LRRTM2: variants seen among roughly 807,000 people sequenced by gnomAD.
The protein encoded by LRRTM2 is leucine-rich repeat transmembrane neuronal protein 2.
In LRRTM2, 14 loss-of-function variants were observed where a neutral mutation model predicts 40.7. The observed-to-expected ratio is 0.34, with a 90% CI of 0.23 to 0.54. LRRTM2 has a LOEUF of 0.54. Among genes scored for constraint, LRRTM2 ranks in the 20% least tolerant of loss-of-function variants. The pLI, the probability that LRRTM2 is intolerant of heterozygous loss-of-function variation, is 0.92. For synonymous variants in LRRTM2, 223 were observed against 237.6 expected (o/e 0.94, Z 0.57); for missense variants, 468 against 624.4 (o/e 0.75, Z 2.67).
rs1362877682 is a variant in LRRTM2 at position 138,872,649 on chromosome 5, A to G, written c.*361T>C. The stretch of plus-strand genomic sequence containing the variant: ...AGTGATCAAACAGGTATTGATCTAT[A>G]TCTGTTTCTGCCCAATAGCTTCTTT... On this transcript the variant is annotated 3_prime_UTR_variant, in exon 2 of 2. Coordinates refer to ENST00000274711, the MANE Select transcript of LRRTM2 (RefSeq NM_015564.3). 1.8e-5 allele frequency: 3 copies of G among 169,432 alleles called. No individual in the cohort carries two copies. Among genetic ancestry groups the G allele is most frequent in the Admixed American group, 1.2e-4 (2 of 17,148 alleles). 10.5% of individuals were successfully genotyped at this position (169,432 alleles called of 1,614,324 possible). A position where few individuals can be genotyped will look rare whatever the true frequency, so the allele number is the denominator to read the frequency against.
In LRRTM2 at chr5:138,872,104, A is replaced by G. The variant is rs1373944718; in HGVS notation, c.*906T>C. ...TTGGAGGGAGCATGTCAGGATTGTT[A>G]AATTGACTCAGTTTGTCTTGTTTAT... On this transcript the variant is annotated 3_prime_UTR_variant, in exon 2 of 2. Coordinates refer to ENST00000274711, the MANE Select transcript of LRRTM2 (RefSeq NM_015564.3). The G allele has an allele frequency of 6.6e-6, 1 of 151,474 alleles. No homozygotes were observed. Among genetic ancestry groups the G allele is most frequent in the Non-Finnish European group, 1.5e-5 (1 of 67,916 alleles). 9.4% of individuals were successfully genotyped at this position (151,474 alleles called of 1,614,324 possible).
In LRRTM2 at chr5:138,869,171, C is replaced by T. The variant is rs1281505062; in HGVS notation, c.*3839G>A. The T allele has an allele frequency of 8.7e-6, 1 of 114,364 alleles. No homozygotes were observed. The highest frequency in any genetic ancestry group is 1.9e-5 in the Non-Finnish European group (1 of 52,634). The allele number at this position is 114,364 out of a possible 1,614,324, so 7.1% of individuals were successfully genotyped here. On this transcript the variant is annotated 3_prime_UTR_variant, in exon 2 of 2. Coordinates refer to ENST00000274711, the MANE Select transcript of LRRTM2 (RefSeq NM_015564.3). ...TTCACCAAACATTCCATATATCAGA[C>T]TTAAAAAAAAAAAAAAAAACCGCTA...
chr5:138,873,303 T>A lies in LRRTM2; in HGVS notation c.1258A>T (p.Thr420Ser). The part of the protein sequence containing the change: ...HFPEPDNAIF[T>S]QRVITGTMAL... ...ATTGTTCCCGTAATTACCCGCTGAG[T>A]GAAGATGGCATTGTCTGGTTCAGGA... The change falls in exon 2 of 2, where the codon ACT (threonine) becomes TCT (serine). Residue 420 changes from threonine to serine, a missense_variant. By Grantham distance (58) the Thr-to-Ser change is moderately conservative. Transcript: ENST00000274711. This position sits in a 1 kb window ranked among gnomAD's most constrained non-coding sequence, Gnocchi z 6.1. The A allele has an allele frequency of 6.2e-7, 1 of 1,614,004 alleles. No homozygotes were observed. Among genetic ancestry groups the A allele is most frequent in the Non-Finnish European group, 8.5e-7 (1 of 1,179,868 alleles).
At position 138,875,165 on chromosome 5, in the gene LRRTM2, C is replaced by T. The variant is rs1751217153; in HGVS notation, c.-254G>A. 4.8e-6 allele frequency: 2 copies of T among 412,428 alleles called. No individual in the cohort carries two copies. Among genetic ancestry groups the T allele is most frequent in the Admixed American group, 4.3e-5 (1 of 23,326 alleles). 25.5% of individuals were successfully genotyped at this position (412,428 alleles called of 1,614,324 possible). On this transcript the variant is annotated 5_prime_UTR_variant, in exon 1 of 2. Transcript: ENST00000274711. ...TTGAATATAAGTTATTAAATTTCTC[C>T]ACCTCTAACTGCTCAGCTGGTTAAT...
Position 138,869,870 on chromosome 5 carries a change from T to C in LRRTM2, c.*3140A>G, listed in dbSNP as rs2149914397. 6.5e-6 allele frequency: 1 copy of C among 152,798 alleles called. No homozygotes were observed. The highest frequency in any genetic ancestry group is 1.9e-4 in the East Asian group (1 of 5,190). 9.5% of individuals were successfully genotyped at this position (152,798 alleles called of 1,614,324 possible). On this transcript the variant is annotated 3_prime_UTR_variant, in exon 2 of 2. Coordinates refer to ENST00000274711, the MANE Select transcript of LRRTM2 (RefSeq NM_015564.3). ...AATTAGTATCTTTGCTTTTTGATGCTGGCAGTGGGTATTCTCAGAGTTGTG... is the reference window on the plus strand; with the variant it reads ...AATTAGTATCTTTGCTTTTTGATGCCGGCAGTGGGTATTCTCAGAGTTGTG...
rs1189086603 is a variant in LRRTM2, at chr5:138,872,735, C to T, written c.*275G>A. 1 of 298,046 alleles carries T rather than the reference C, an allele frequency of 3.4e-6. No individual in the cohort carries two copies. The highest frequency in any genetic ancestry group is 1.1e-3 in the Middle Eastern group (1 of 948). 18.5% of individuals were successfully genotyped at this position (298,046 alleles called of 1,614,324 possible). ...AGACCTTAGTGTAAAGGTTTACACA[C>T]GATTGTATATAATTACATACATTTC... On this transcript the variant is annotated 3_prime_UTR_variant, in exon 2 of 2. Transcript: ENST00000274711.
rs943469660 is a variant in LRRTM2 at position 138,871,349 on chromosome 5, C to T, written c.*1661G>A. On this transcript the variant is annotated 3_prime_UTR_variant, in exon 2 of 2. Coordinates refer to ENST00000274711, the MANE Select transcript of LRRTM2 (RefSeq NM_015564.3). ...TAGTGCTATAATTTTACAGTTTTTT[C>T]AATATGTGGAACAATGTTTATGGAA... 10 of 152,078 alleles carry T rather than the reference C, an allele frequency of 6.6e-5. No individual in the cohort carries two copies. The highest frequency in any genetic ancestry group is 2.4e-4 in the African/African-American group (10 of 41,418). The allele number at this position is 152,078 out of a possible 1,614,324, so 9.4% of individuals were successfully genotyped here. A position where few individuals can be genotyped will look rare whatever the true frequency, so the allele number is the denominator to read the frequency against.
At position 138,871,296 on chromosome 5, in the gene LRRTM2, A is replaced by G. The variant is rs1750576777; in HGVS notation, c.*1714T>C. 6.6e-6 allele frequency: 1 copy of G among 152,224 alleles called. No homozygotes were observed. The allele number at this position is 152,224 out of a possible 1,614,324, so 9.4% of individuals were successfully genotyped here. The stretch of plus-strand genomic sequence containing the variant: ...TCTACATACAGTAAATGGCAGTTGT[A>G]AAAAATGCTCATTTTCTAAAATCAA... On this transcript the variant is annotated 3_prime_UTR_variant, in exon 2 of 2. Transcript: ENST00000274711.
In LRRTM2 at chr5:138,872,059, TGTGTGTGTGC is replaced by T. The variant is rs70982736; in HGVS notation, c.*941_*950del. 0.15 allele frequency: 15,744 copies of T among 105,434 alleles called. 855 individuals are homozygous for T. The highest frequency in any genetic ancestry group is 0.2 in the African/African-American group (5,387 of 27,482). 6.5% of individuals were successfully genotyped at this position (105,434 alleles called of 1,614,324 possible). ...GTGTGTGTGTGTGTGTGTGTGTGTG[TGTGTGTGTGC>T]GCTTTTAAATTGGAGGGAGCATGTC... On this transcript the variant is annotated 3_prime_UTR_variant, in exon 2 of 2. Transcript: ENST00000274711.
rs779153256 is a variant in LRRTM2 at position 138,875,164 on chromosome 5, C to T, written c.-253G>A. 12 of 412,092 alleles carry T rather than the reference C, an allele frequency of 2.9e-5. No homozygotes were observed. Among genetic ancestry groups the T allele is most frequent in the African/African-American group, 4.1e-5 (2 of 48,492 alleles). The allele number at this position is 412,092 out of a possible 1,614,324, so 25.5% of individuals were successfully genotyped here. On this transcript the variant is annotated 5_prime_UTR_variant, in exon 1 of 2. Transcript: ENST00000274711. ...TTTGAATATAAGTTATTAAATTTCT[C>T]CACCTCTAACTGCTCAGCTGGTTAA...
Position 138,873,919 on chromosome 5 carries a change from G to T in LRRTM2, c.642C>A (p.His214Gln), listed in dbSNP as rs1400784482. ...LIKLRELHLE[H>Q]NQLTKINFAH... ...CAAAATTAATCTTCGTCAGCTGGTT[G>T]TGCTCTAGGTGAAGCTCTCTCAGTT... Residue 214 changes from histidine to glutamine, a missense_variant, in exon 2 of 2, where the codon CAC becomes CAA. By Grantham distance (24) the His-to-Gln change is conservative. Transcript: ENST00000274711. The surrounding 1 kb of genome is among the most constrained non-coding windows in gnomAD (Gnocchi z 6.1). 9 of 1,614,032 alleles carry T rather than the reference G, an allele frequency of 5.6e-6. No individual in the cohort carries two copies. Among genetic ancestry groups the T allele is most frequent in the Admixed American group, 5.0e-5 (3 of 60,030 alleles).
Position 138,872,987 on chromosome 5 carries a change from T to C in LRRTM2, c.*23A>G. The C allele has an allele frequency of 6.6e-7, 1 of 1,523,080 alleles. No homozygotes were observed. Among genetic ancestry groups the C allele is most frequent in the Non-Finnish European group, 8.9e-7 (1 of 1,118,050 alleles). 94.3% of individuals were successfully genotyped at this position (1,523,080 alleles called of 1,614,324 possible). On this transcript the variant is annotated 3_prime_UTR_variant, in exon 2 of 2. Transcript: ENST00000274711. ...TGTAAAATAGGTTACTTATCTGATG[T>C]GATTTTTGATGATGGGTAGATATTA...
Position 138,871,644 on chromosome 5 carries a change from G to A in LRRTM2, c.*1366C>T, listed in dbSNP as rs1047937117. On this transcript the variant is annotated 3_prime_UTR_variant, in exon 2 of 2. Transcript: ENST00000274711. ...GTAACTCCAGCTAACCTGAGAGTCAGATTTCAAAATCTGCCTTTCCTTTTA... is the reference window on the plus strand; with the variant it reads ...GTAACTCCAGCTAACCTGAGAGTCAAATTTCAAAATCTGCCTTTCCTTTTA... 6.6e-6 allele frequency: 1 copy of A among 152,204 alleles called. No homozygotes were observed. The highest frequency in any genetic ancestry group is 2.4e-5 in the African/African-American group (1 of 41,462). The allele number at this position is 152,204 out of a possible 1,614,324, so 9.4% of individuals were successfully genotyped here. A position where few individuals can be genotyped will look rare whatever the true frequency, so the allele number is the denominator to read the frequency against.
rs186224941 is a variant in LRRTM2, at chr5:138,871,795, C to T, written c.*1215G>A. 1.4e-3 allele frequency: 213 copies of T among 152,234 alleles called. 1 individual carries two copies. The highest frequency in any genetic ancestry group is 1.7e-3 in the Non-Finnish European group (114 of 68,028). The allele number at this position is 152,234 out of a possible 1,614,324, so 9.4% of individuals were successfully genotyped here. A position where few individuals can be genotyped will look rare whatever the true frequency, so the allele number is the denominator to read the frequency against. ...CACCTACACTGAACTACACTTACAG[C>T]GTGAATGCGTATCTTTATTGAAAGA... On this transcript the variant is annotated 3_prime_UTR_variant, in exon 2 of 2. Coordinates refer to ENST00000274711, the MANE Select transcript of LRRTM2 (RefSeq NM_015564.3).
At position 138,872,942 on chromosome 5, in the gene LRRTM2, T is replaced by A; in HGVS notation, c.*68A>T. 1.8e-6 allele frequency: 2 copies of A among 1,100,274 alleles called. No homozygotes were observed. The highest frequency in any genetic ancestry group is 2.5e-5 in the East Asian group (1 of 40,090). The allele number at this position is 1,100,274 out of a possible 1,614,324, so 68.2% of individuals were successfully genotyped here. ...AATGTCACCATTGGTAAAAATTAGA[T>A]ATGTATTTAGCCTCTACTATGTAAA... On this transcript the variant is annotated 3_prime_UTR_variant, in exon 2 of 2. Coordinates refer to ENST00000274711, the MANE Select transcript of LRRTM2 (RefSeq NM_015564.3).
Position 138,874,389 on chromosome 5 carries a change from C to G in LRRTM2, c.172G>C (p.Ala58Pro), listed in dbSNP as rs915718354. The G allele has an allele frequency of 6.2e-7, 1 of 1,613,784 alleles. No individual in the cohort carries two copies. The highest frequency in any genetic ancestry group is 1.3e-5 in the African/African-American group (1 of 74,916). Residue 58 changes from alanine (A) to proline (P), a missense_variant, in exon 2 of 2, where the codon GCC (alanine) becomes CCC (proline). Ala to Pro is a conservative substitution (Grantham distance 27). Coordinates refer to ENST00000274711, the MANE Select transcript of LRRTM2 (RefSeq NM_015564.3). This position sits in a 1 kb window ranked among gnomAD's most constrained non-coding sequence, Gnocchi z 4.1. ...AGGCCCAGAGAGCCCTTGTCTGTGGCGTTTGGCACTGAGTGGAAGCCCTGA... is the reference window on the plus strand; with the variant it reads ...AGGCCCAGAGAGCCCTTGTCTGTGGGGTTTGGCACTGAGTGGAAGCCCTGA... ...DSQGFHSVPN[A>P]TDKGSLGLSL...
rs1445792493 is a variant in LRRTM2 at position 138,870,327 on chromosome 5, A to G, written c.*2683T>C. On this transcript the variant is annotated 3_prime_UTR_variant, in exon 2 of 2. Coordinates refer to ENST00000274711, the MANE Select transcript of LRRTM2 (RefSeq NM_015564.3). Reference sequence around the variant, plus strand: ...AAGAAAATCTTGCCTTCTACAGGCAATTAAAAAGGGAGGTTTTTGCTTTTA... The same window carrying G: ...AAGAAAATCTTGCCTTCTACAGGCAGTTAAAAAGGGAGGTTTTTGCTTTTA... The G allele has an allele frequency of 6.6e-6, 1 of 152,238 alleles. No individual in the cohort carries two copies. The highest frequency in any genetic ancestry group is 1.5e-5 in the Non-Finnish European group (1 of 68,034). 9.4% of individuals were successfully genotyped at this position (152,238 alleles called of 1,614,324 possible). A position where few individuals can be genotyped will look rare whatever the true frequency, so the allele number is the denominator to read the frequency against.
In LRRTM2 at chr5:138,874,957, T is replaced by C; in HGVS notation, c.-46A>G. 4 of 1,610,700 alleles carry C rather than the reference T, an allele frequency of 2.5e-6. No individual in the cohort carries two copies. Among genetic ancestry groups the C allele is most frequent in the Non-Finnish European group, 3.4e-6 (4 of 1,177,598 alleles). On this transcript the variant is annotated 5_prime_UTR_variant, in exon 1 of 2. The change abolishes the stop of an existing upstream ORF in the 5' untranslated region. Transcript: ENST00000274711. The surrounding 1 kb of genome is among the most constrained non-coding windows in gnomAD (Gnocchi z 4.1). ...CTGCATTCAGTCGCGGTTGTTAGAC[T>C]CAACGCAGTGAGTCTGTAAAAGGCT...
Position 138,873,542 on chromosome 5 carries a change from T to C in LRRTM2, c.1019A>G (p.His340Arg). 6.2e-7 allele frequency: 1 copy of C among 1,613,952 alleles called. No homozygotes were observed. The highest frequency in any genetic ancestry group is 1.1e-5 in the South Asian group (1 of 91,072). The change falls in exon 2 of 2, where the codon CAC (histidine) becomes CGC (arginine). Residue 340 changes from histidine (H) to arginine (R), a missense_variant. Physicochemically the swap from His to Arg is conservative, Grantham distance 29. Coordinates refer to ENST00000274711, the MANE Select transcript of LRRTM2 (RefSeq NM_015564.3). This position sits in a 1 kb window ranked among gnomAD's most constrained non-coding sequence, Gnocchi z 6.1. ...CTCTCCTTGGGTGTGGTCAGGACTG[T>C]GGCATAGGATGGAGTGTTCCCACCG... is the stretch of plus-strand genomic sequence containing the variant. The part of the protein sequence containing the change: ...QGRWEHSILC[H>R]SPDHTQGEDI...
Sources: allele counts gnomAD v4.1 joint callset, GRCh38; gene constraint gnomAD v4.1.1; non-coding constraint Gnocchi (gnomAD v3.1); transcripts MANE v1.5; gene names NCBI Gene and HGNC (gene_info 2026-07-23, HGNC 2026-07-21).